The following PROSER2 variants were observed in gnomAD, a reference collection of about 807,000 sequenced individuals.
PROSER2 encodes proline and serine-rich protein 2.
A neutral mutation model predicts 14.6 loss-of-function variants in PROSER2; 18 were observed. The ratio of observed to expected loss-of-function variants is 1.23; its 90% CI spans 0.85 to 1.83. PROSER2 has a LOEUF of 1.83. Among genes scored for constraint, PROSER2 ranks in the 40% most tolerant of loss-of-function variants. The pLI is 0.00. For synonymous variants in PROSER2, 367 were observed against 286.4 expected, an observed-to-expected ratio of 1.28 and a Z score of -2.84; for missense variants, 823 against 629.8, an observed-to-expected ratio of 1.31 and a Z score of -3.28.
Position 11,870,163 on chromosome 10 carries a change from AC to A in PROSER2, c.1068del (p.Ser357AlafsTer94). The A allele has an allele frequency of 6.8e-7, 1 of 1,472,264 alleles. No homozygotes were observed. Among genetic ancestry groups the A allele is most frequent in the East Asian group, 3.0e-5 (1 of 33,782 alleles). The allele number at this position is 1,472,264 out of a possible 1,614,324, so 91.2% of individuals were successfully genotyped here. A position where few individuals can be genotyped will look rare whatever the true frequency, so the allele number is the denominator to read the frequency against. On this transcript the variant is annotated frameshift_variant, in exon 4 of 4. Coordinates refer to ENST00000277570, the MANE Select transcript of PROSER2 (RefSeq NM_153256.4). LOFTEE classifies it low-confidence loss of function (END_TRUNC). The part of the protein sequence containing the change: ...PSAHEALKSA[P>X]SSFAPAGKSL... ...GTGCGCACGAGGCCCTGAAGAGCGC[AC>A]CCAGCTCCTTCGCGCCCGCTGGGAA...
At chr10:11,857,091 G>A (rs1564310629) in intron 2 of PROSER2, among the ~76,000 whole-genome samples, 1 of 152,102 alleles carries the variant, frequency 6.6e-6, no homozygotes, top group Non-Finnish European at 1.5e-5. Context: ...GAGAGGTGAT[G>A]GGATAAGACT....
At chr10:11,857,806 C>T (rs1330973384) in intron 2 of PROSER2, among the ~76,000 whole-genome samples, 2 of 151,926 alleles carry the variant, frequency 1.3e-5, no homozygotes, top group Non-Finnish European at 2.9e-5. Flanking sequence ...GTGCCGCGCC[C>T]ACTTCGGCAA....
intron 2 of PROSER2, among the ~76,000 whole-genome samples, chr10:11,857,691 G>C (rs2131078864): frequency 6.8e-6 from 1 of 146,148 alleles, no homozygotes; most frequent in East Asian, 2.1e-4. Context: ...GTTGCAGTGA[G>C]CCGAGATCGC....
chr10:11,825,244 G>A (rs1192884955), intron 1 of PROSER2, among the ~76,000 whole-genome samples: 9 of 69,342 alleles, frequency 1.3e-4, no homozygotes, highest in African/African-American at 3.5e-4. Flanking sequence ...GAACAGGGGA[G>A]CCTCTAGAAC....
At chr10:11,843,107 A>AT (rs1038756737) in intron 1 of PROSER2, among the ~76,000 whole-genome samples, 1 of 149,588 alleles carries the variant, frequency 6.7e-6, no homozygotes, top group Non-Finnish European at 1.5e-5. Context: ...TGCCCGGCTA[A>AT]TTTTTTGTAT....
chr10:11,863,868 TCATGGTTTCGGTTTTGCTTG>T (rs1834292730), intron 2 of PROSER2, among the ~76,000 whole-genome samples: 1 of 152,216 alleles, frequency 6.6e-6, no homozygotes. Flanking sequence ...CTGTGGTTGC[TCATGGTTTCGGTTTTGCTTG>T]CATGGTTTCC....
At chr10:11,848,234 T>TA (rs1564306762) in intron 1 of PROSER2, among the ~76,000 whole-genome samples, 2 of 152,220 alleles carry the variant, frequency 1.3e-5, no homozygotes, top group South Asian at 4.1e-4. Context: ...AGTGGCATGA[T>TA]ATCAGCTCAC....
rs574780032 is a variant in PROSER2 at position 11,868,853 on chromosome 10, G to A, written c.392-637G>A. On this transcript the variant is annotated intron_variant, in intron 3 of 3. Coordinates refer to ENST00000277570, the MANE Select transcript of PROSER2 (RefSeq NM_153256.4). ...TTTAGTAGAGACAAGGTTTCACCAC[G>A]TTGGCCAGGCTGGTCTTGAACTTCT... is the stretch of plus-strand genomic sequence containing the variant. 9.1e-4 allele frequency among the ~76,000 whole-genome samples: 138 copies of A among 152,232 alleles called. 1 individual carries two copies. Among genetic ancestry groups the A allele is most frequent in the Middle Eastern group, 3.4e-3 (1 of 294 alleles).
chr10:11,865,903 G>GT lies in PROSER2; in HGVS notation c.139-628_139-627insT, dbSNP rs1834335626. ...TTCCAGAGCCGCTCAGCACCTCCAG[G>GT]GCCTGAGCTTCTGGGCAGTTCTTCG... is the stretch of plus-strand genomic sequence containing the variant. On this transcript the variant is annotated intron_variant, in intron 2 of 3. Coordinates refer to ENST00000277570, the MANE Select transcript of PROSER2 (RefSeq NM_153256.4). This position sits in a 1 kb window ranked among gnomAD's most constrained non-coding sequence, Gnocchi z 4.2. Among the ~76,000 whole-genome samples the GT allele has an allele frequency of 6.6e-6, 1 of 152,090 alleles. No homozygotes were observed. The highest frequency in any genetic ancestry group is 2.1e-4 in the South Asian group (1 of 4,818).
At chr10:11,826,008 G>A (rs1318259651) in intron 1 of PROSER2, among the ~76,000 whole-genome samples, 1 of 151,960 alleles carries the variant, frequency 6.6e-6, no homozygotes, top group African/African-American at 2.4e-5. Context: ...CACTCCAAAA[G>A]GAAACCCATT....
chr10:11,852,238 T>C (rs1834034725), intron 2 of PROSER2, 23 bp downstream of exon 2: 2 of 1,589,034 alleles, frequency 1.3e-6, no homozygotes, highest in African/African-American at 1.3e-5. Flanking sequence ...TTTTCTTTCA[T>C]GCTTTCCTGT....
intron 1 of PROSER2, among the ~76,000 whole-genome samples, chr10:11,832,330 G>A (rs528418865): frequency 1.3e-5 from 2 of 152,224 alleles, no homozygotes; most frequent in East Asian, 3.9e-4. Context: ...TCTTTCCAAG[G>A]TTTTTTTCTT....
chr10:11,857,699 C>T (rs1040965254), intron 2 of PROSER2, among the ~76,000 whole-genome samples: 8 of 148,134 alleles, frequency 5.4e-5, no homozygotes, highest in East Asian at 2.0e-4. Flanking sequence ...GAGCCGAGAT[C>T]GCACCACTGC....
intron 1 of PROSER2, among the ~76,000 whole-genome samples, chr10:11,825,200 G>A (rs1273255903): frequency 1.3e-5 from 2 of 152,200 alleles, no homozygotes; most frequent in African/African-American, 2.4e-5. Flanking sequence ...ACCTGAAGGG[G>A]GAGAGAGGAA....
chr10:11,843,184 C>T (rs1387755770), intron 1 of PROSER2, among the ~76,000 whole-genome samples: 1 of 149,710 alleles, frequency 6.7e-6, no homozygotes, highest in Non-Finnish European at 1.5e-5. Context: ...TCGTGATCCG[C>T]CCACCTCGGC....
chr10:11,845,687 G>C (rs1414408335), intron 1 of PROSER2, among the ~76,000 whole-genome samples: 1 of 152,152 alleles, frequency 6.6e-6, no homozygotes, highest in Non-Finnish European at 1.5e-5. Flanking sequence ...GGAGGGAGCT[G>C]AGAGGAAGGG....
At chr10:11,845,340 C>G (rs1833907769) in intron 1 of PROSER2, among the ~76,000 whole-genome samples, 1 of 152,136 alleles carries the variant, frequency 6.6e-6, no homozygotes, top group African/African-American at 2.4e-5. Flanking sequence ...TTTGAGGCTG[C>G]TTTCAAGATT....
intron 1 of PROSER2, among the ~76,000 whole-genome samples, chr10:11,848,657 C>T (rs1272521006): frequency 6.6e-6 from 1 of 152,168 alleles, no homozygotes; most frequent in Non-Finnish European, 1.5e-5. Flanking sequence ...TACCTGTCGG[C>T]AAAGTTCAGA....
intron 1 of PROSER2, among the ~76,000 whole-genome samples, chr10:11,840,978 ATATATATATAT>A (rs1323029444): frequency 3.5e-5 from 4 of 113,516 alleles, no homozygotes; most frequent in South Asian, 5.4e-4. Flanking sequence ...ATATATATAT[ATATATATATAT>A]ATGATGGTGG....
Sources: allele counts gnomAD v4.1 joint callset (sites outside exome capture counted in the v4.1 genomes callset), GRCh38; gene constraint gnomAD v4.1.1; non-coding constraint Gnocchi (gnomAD v3.1); transcripts MANE v1.5; gene names NCBI Gene and HGNC (gene_info 2026-07-23, HGNC 2026-07-21).